The following HERC2 variants were observed in gnomAD, a reference collection of about 807,000 sequenced individuals.
HERC2 encodes the protein E3 ubiquitin-protein ligase HERC2.
A neutral mutation model predicts 537.7 loss-of-function variants in HERC2; 102 were observed. That is an observed-to-expected ratio of 0.19 (90% CI 0.16 to 0.22). The LOEUF is 0.22. Ranked by LOEUF, HERC2 falls within the 10% of genes least tolerant of loss-of-function variation. The pLI, the probability that HERC2 is intolerant of heterozygous loss-of-function variation, is 1.00. For synonymous variants in HERC2, 2,224 were observed against 2,466.2 expected, an observed-to-expected ratio of 0.90 and a Z score of 2.91; for missense variants, 4,236 against 6,198.2, an observed-to-expected ratio of 0.68 and a Z score of 10.63.
In HERC2 at chr15:28,228,538, T is replaced by C. The variant is rs1158861081; in HGVS notation, c.5273-129A>G. 4.6e-6 allele frequency: 4 copies of C among 872,658 alleles called. No individual in the cohort carries two copies. The African/African-American group carries it at 5.0e-5, about 11-fold the overall frequency. The allele number at this position is 872,658 out of a possible 1,614,324, so 54.1% of individuals were successfully genotyped here. ...CCCACTGACATTTCTTCTGCATGGA[T>C]GCAAGAATAAACGTAACGCAGAAAG... On this transcript the variant is annotated intron_variant, in intron 34 of 92. Transcript: ENST00000261609.
At chr15:28,144,983 C>T (rs1363394902) in intron 71 of HERC2, among the ~76,000 whole-genome samples, 179 bp from the exon 72 acceptor site, 1 of 152,230 alleles carries the variant, frequency 6.6e-6, no homozygotes, top group Non-Finnish European at 1.5e-5. Context: ...CATTTTAATA[C>T]ATACCATTCT....
chr15:28,131,727 C>A (rs1320824679), intron 81 of HERC2, among the ~76,000 whole-genome samples: 1 of 152,144 alleles, frequency 6.6e-6, no homozygotes, highest in African/African-American at 2.4e-5. Flanking sequence ...ACTGGCACCC[C>A]CAAGCGCGTG....
intron 55 of HERC2, among the ~76,000 whole-genome samples, chr15:28,187,505 G>A (rs1219512035): frequency 6.6e-6 from 1 of 151,922 alleles, no homozygotes; most frequent in Non-Finnish European, 1.5e-5. Flanking sequence ...CTAATTTTTT[G>A]TATTTTTAGT....
intron 37 of HERC2, among the ~76,000 whole-genome samples, chr15:28,220,248 C>A (rs1024797791): frequency 1.3e-4 from 20 of 152,210 alleles, no homozygotes; most frequent in Non-Finnish European, 2.8e-4. Context: ...TCAGTTCCAG[C>A]CAGATCGCCG....
At chr15:28,227,436 C>G (rs1901311898) in intron 35 of HERC2, among the ~76,000 whole-genome samples, 1 of 150,468 alleles carries the variant, frequency 6.6e-6, no homozygotes, top group Admixed American at 6.6e-5. Context: ...CACTTCACAC[C>G]CACTACGATG....
chr15:28,153,892 A>G (rs1420639954), intron 69 of HERC2, among the ~76,000 whole-genome samples: 1 of 152,158 alleles, frequency 6.6e-6, no homozygotes, highest in Non-Finnish European at 1.5e-5. Context: ...GGCGGGAATC[A>G]GGAACCATCA....
At chr15:28,275,322 C>T (rs1033211784) in intron 5 of HERC2, among the ~76,000 whole-genome samples, 3 of 152,166 alleles carry the variant, frequency 2.0e-5, no homozygotes, top group African/African-American at 4.8e-5. Context: ...AATACATAAA[C>T]GGAGGGAGAA....
intron 86 of HERC2, chr15:28,117,444 C>T (rs1425654632): frequency 1.5e-6 from 1 of 670,676 alleles, no homozygotes; most frequent in Non-Finnish European, 2.7e-6. Context: ...ACACACACCA[C>T]CACCACGTCC....
intron 65 of HERC2, among the ~76,000 whole-genome samples, chr15:28,173,132 TG>T (rs1894855813): frequency 6.6e-6 from 1 of 152,200 alleles, no homozygotes; most frequent in African/African-American, 2.4e-5. Flanking sequence ...TGTGGACCTC[TG>T]GAACATCCAC....
In HERC2 at chr15:28,256,207, C is replaced by T. The variant is rs780896182; in HGVS notation, c.2628G>A (p.Ala876=). ...KQTVVTLASS[A]GVLSTVQSAA... ...CCGACTGCACGGTGCTCAGCACGCC[C>T]GCACTGCTGGCCAGGGTCACCACCG... Residue 876 remains alanine (A), a synonymous_variant, in exon 18 of 93, where the codon GCG becomes GCA. Coordinates refer to ENST00000261609, the MANE Select transcript of HERC2 (RefSeq NM_004667.6). 10 of 1,600,576 alleles carry T rather than the reference C, an allele frequency of 6.2e-6. No homozygotes were observed. The highest frequency in any genetic ancestry group is 4.4e-5 in the South Asian group (4 of 91,002).
chr15:28,173,149 A>G (rs574288995), intron 65 of HERC2, among the ~76,000 whole-genome samples: 276 of 152,348 alleles, frequency 1.8e-3, no homozygotes, highest in Non-Finnish European at 3.4e-3. Flanking sequence ...TCCACTTTGC[A>G]AAACAGTATG....
In HERC2 at chr15:28,130,533, G is replaced by A; in HGVS notation, c.12632C>T (p.Ala4211Val). The A allele has an allele frequency of 6.2e-7, 1 of 1,614,020 alleles. No individual in the cohort carries two copies. Among genetic ancestry groups the A allele is most frequent in the East Asian group, 2.2e-5 (1 of 44,872 alleles). ...KVECGSQFSVALTKSGAVYTW... is the reference protein window; with the variant it reads ...KVECGSQFSVVLTKSGAVYTW... ...ATAAACAGCTCCAGATTTGGTAAGG[G>A]CAACAGAAAACTGGGATCCGCATTC... Residue 4211 changes from alanine to valine, a missense_variant, in exon 82 of 93, where the codon GCC (alanine) becomes GTC (valine). Physicochemically the swap from Ala to Val is moderately conservative, Grantham distance 64 (BLOSUM62 0). Transcript: ENST00000261609.
At chr15:28,172,156 A>C (rs1894771046) in intron 65 of HERC2, among the ~76,000 whole-genome samples, 3 of 152,126 alleles carry the variant, frequency 2.0e-5, no homozygotes, top group African/African-American at 7.2e-5. Flanking sequence ...ATAAAGAGAA[A>C]CACTATGTTC....
intron 25 of HERC2, among the ~76,000 whole-genome samples, chr15:28,237,584 C>T (rs1239655551): frequency 6.6e-6 from 1 of 152,228 alleles, no homozygotes; most frequent in Non-Finnish European, 1.5e-5. Context: ...AAGAGTTCAT[C>T]TTTTCCAGTC....
intron 68 of HERC2, among the ~76,000 whole-genome samples, chr15:28,164,696 C>T (rs1463266686): frequency 1.3e-5 from 2 of 152,142 alleles, no homozygotes; most frequent in South Asian, 2.1e-4. Context: ...ATTCATGAGT[C>T]AAGCCAAAAC....
At chr15:28,287,189 T>C (rs1256168873) in intron 4 of HERC2, among the ~76,000 whole-genome samples, 2 of 152,116 alleles carry the variant, frequency 1.3e-5, no homozygotes, top group African/African-American at 4.8e-5. Context: ...ATGGCTCAAA[T>C]TAATGTGTTT....
chr15:28,295,328 G>A (rs964312275), intron 3 of HERC2, among the ~76,000 whole-genome samples: 4 of 126,950 alleles, frequency 3.2e-5, no homozygotes, highest in African/African-American at 1.1e-4. Context: ...GGAGTGGGGG[G>A]GAGGCGGTGG....
intron 66 of HERC2, 111 bp downstream of exon 66, chr15:28,169,373 A>G (rs1894468561): frequency 1.3e-6 from 1 of 747,230 alleles, no homozygotes; most frequent in Non-Finnish European, 2.1e-6. Flanking sequence ...CAGCATTTAA[A>G]GACAATAATA....
intron 23 of HERC2, among the ~76,000 whole-genome samples, chr15:28,239,078 A>G (rs1902768688): frequency 6.6e-6 from 1 of 152,240 alleles, no homozygotes; most frequent in African/African-American, 2.4e-5. Context: ...TTAAATTAGA[A>G]ATAGGTTTTC....
Sources: gnomAD v4.1 joint callset for allele counts (sites outside exome capture counted in the v4.1 genomes callset) on GRCh38, gnomAD v4.1.1 for gene constraint, MANE v1.5 for transcripts, NCBI Gene and HGNC (gene_info 2026-07-23, HGNC 2026-07-21) for gene names.